The following MTMR9 variants were observed in gnomAD, a reference collection of about 807,000 sequenced individuals.
MTMR9 encodes the protein myotubularin-related protein 9.
In MTMR9, 39 loss-of-function variants were observed where a neutral mutation model predicts 69.5. That is an observed-to-expected ratio of 0.56 (90% CI 0.43 to 0.73). The LOEUF (loss-of-function observed/expected upper bound fraction) is 0.73. Ranked by LOEUF, MTMR9 falls within the 30% of genes least tolerant of loss-of-function variation. The pLI is 0.00. For missense variants in MTMR9, 900 were observed against 671.2 expected, an observed-to-expected ratio of 1.34 and a Z score of -3.77; for synonymous variants, 354 against 240.8, an observed-to-expected ratio of 1.47 and a Z score of -4.35.
At chr8:11,331,360 T>C, downstream of MTMR9, 1 of 1,613,994 alleles carries the variant, frequency 6.2e-7, no homozygotes, top group Non-Finnish European at 8.5e-7. Flanking sequence ...CCTATTGCCC[T>C]GCTACTTAAA....
At chr8:11,330,924 AAAAAG>A (rs1314248444), downstream of MTMR9, 2,884 of 960,516 alleles carry the variant, frequency 3.0e-3, no homozygotes, top group Non-Finnish European at 3.4e-3. Context: ...TAAAAAAAAA[AAAAAG>A]AAAGAAAGAA....
At chr8:11,332,238 GA>G, downstream of MTMR9, 1 of 1,456,654 alleles carries the variant, frequency 6.9e-7, no homozygotes, top group South Asian at 1.4e-5. Flanking sequence ...AGGAAAGAGT[GA>G]AAGTCTAACT....
chr8:11,306,321 G>A lies in MTMR9; in HGVS notation c.723G>A (p.Val241=), dbSNP rs375872817. ...GYIIDTRSLN[V]AQQTRAKGGG... ...TCATTGACACCCGATCCCTGAACGT[G>A]GCTCAGCAAACTAGAGCCAAAGGAG... Residue 241 remains valine, a synonymous_variant, in exon 5 of 10, where the codon GTG becomes GTA. Coordinates refer to ENST00000221086, the MANE Select transcript of MTMR9 (RefSeq NM_015458.4). 9.9e-5 allele frequency: 160 copies of A among 1,614,046 alleles called. No individual in the cohort carries two copies. The highest frequency in any genetic ancestry group is 1.4e-4 in the Non-Finnish European group (160 of 1,179,968).
the MTMR9 span, among the ~76,000 whole-genome samples, chr8:11,338,753 A>T: frequency 2.0e-5 from 3 of 152,184 alleles, no homozygotes; most frequent in Non-Finnish European, 4.4e-5. Flanking sequence ...TAAATCTGAA[A>T]TATTCTAAGA....
chr8:11,316,904 T>C lies in MTMR9; in HGVS notation c.1334+11T>C. 1 of 1,556,968 alleles carries C rather than the reference T, an allele frequency of 6.4e-7. No homozygotes were observed. The highest frequency in any genetic ancestry group is 8.7e-7 in the Non-Finnish European group (1 of 1,148,156). Reference sequence around the variant, plus strand: ...CAATGAAAGTGAAAGGTGAGTACACTGCTCACATGGGGACCTTTCCTTTTC... The same window carrying C: ...CAATGAAAGTGAAAGGTGAGTACACCGCTCACATGGGGACCTTTCCTTTTC... On this transcript the variant is annotated intron_variant, in intron 8 of 9. Coordinates refer to ENST00000221086, the MANE Select transcript of MTMR9 (RefSeq NM_015458.4).
intron 2 of MTMR9, chr8:11,298,798 G>A (rs1799649702): frequency 1.0e-6 from 1 of 978,484 alleles, no homozygotes; most frequent in South Asian, 4.7e-5. Flanking sequence ...CCTAGTGATA[G>A]AGACTTTCCT....
chr8:11,316,562 A>G, intron 7 of MTMR9, 111 bp from the exon 8 acceptor site: 1 of 604,272 alleles, frequency 1.7e-6, no homozygotes, highest in Non-Finnish European at 2.8e-6. Flanking sequence ...TAATTATATG[A>G]TGTTCCAGGT....
intron 1 of MTMR9, among the ~76,000 whole-genome samples, chr8:11,293,928 G>C (rs1404831426): frequency 6.6e-6 from 1 of 152,122 alleles, no homozygotes; most frequent in Non-Finnish European, 1.5e-5. Flanking sequence ...TTTTCACACT[G>C]TCTTAATTAC....
At chr8:11,308,823 G>C (rs1395642696) in intron 5 of MTMR9, among the ~76,000 whole-genome samples, 1 of 152,090 alleles carries the variant, frequency 6.6e-6, no homozygotes. Flanking sequence ...TTTGATAGGC[G>C]AAAGCTGTGC....
At chr8:11,310,068 T>G (rs1800135328) in intron 6 of MTMR9, among the ~76,000 whole-genome samples, 2 of 152,226 alleles carry the variant, frequency 1.3e-5, no homozygotes, top group Non-Finnish European at 2.9e-5. Context: ...ACTTTTGAAA[T>G]ATCAGCGAAA....
At chr8:11,293,865 A>T (rs953295049) in intron 1 of MTMR9, among the ~76,000 whole-genome samples, 1 of 150,970 alleles carries the variant, frequency 6.6e-6, no homozygotes, top group Non-Finnish European at 1.5e-5. Flanking sequence ...GTGTAAGTGG[A>T]TCTATTTCTG....
Position 11,304,927 on chromosome 8 carries a change from C to T in MTMR9, c.504C>T (p.Ile168=), listed in dbSNP as rs753941594. 10 of 1,614,084 alleles carry T rather than the reference C, an allele frequency of 6.2e-6. No homozygotes were observed. In the East Asian group the frequency reaches 6.7e-5, roughly 11 times the overall value. Residue 168 remains isoleucine, a synonymous_variant, in exon 4 of 10, where the codon ATC becomes ATT. Coordinates refer to ENST00000221086, the MANE Select transcript of MTMR9 (RefSeq NM_015458.4). The part of the protein sequence containing the change: ...YPPIVTVPKS[I]DDEALRKVAT... ...CAATTGTCACAGTGCCCAAATCCAT[C>T]GATGATGAAGCTCTTCGGAAGGTAG...
At position 11,322,730 on chromosome 8, in the gene MTMR9, T is replaced by C. The variant is rs749228347; in HGVS notation, c.1592T>C (p.Ile531Thr). ...AAAGAATTACAAGCAAAAGTCAATA[T>C]CCTTCGAAGGCAGTTGGCAGAACTG... ...YNKELQAKVN[I>T]LRRQLAELET... Residue 531 changes from isoleucine to threonine, a missense_variant, in exon 10 of 10, where the codon ATC (isoleucine) becomes ACC (threonine). By Grantham distance (89) the Ile-to-Thr change is moderately conservative. Coordinates refer to ENST00000221086, the MANE Select transcript of MTMR9 (RefSeq NM_015458.4). The C allele has an allele frequency of 1.2e-6, 2 of 1,613,946 alleles. No homozygotes were observed. Among genetic ancestry groups the C allele is most frequent in the African/African-American group, 2.7e-5 (2 of 74,908 alleles).
At chr8:11,318,553 T>C (rs900801928) in intron 8 of MTMR9, 1 of 152,234 alleles carries the variant, frequency 6.6e-6, no homozygotes, top group African/African-American at 2.4e-5. Flanking sequence ...CTTATGAGAA[T>C]TGAATGTATT....
At position 11,325,200 on chromosome 8, in the gene MTMR9, G is replaced by A. The variant is rs1316044076; in HGVS notation, c.*2412G>A. 1.3e-5 allele frequency: 2 copies of A among 152,190 alleles called. No homozygotes were observed. The highest frequency in any genetic ancestry group is 2.9e-5 in the Non-Finnish European group (2 of 68,040). 9.4% of individuals were successfully genotyped at this position (152,190 alleles called of 1,614,324 possible). On this transcript the variant is annotated 3_prime_UTR_variant, in exon 10 of 10. Transcript: ENST00000221086. ...TCGGTATCAGTGCATCTACAGAAGT[G>A]TTATTTGGTAATCCAAATATTAGAG...
intron 3 of MTMR9, among the ~76,000 whole-genome samples, 189 bp from the exon 4 acceptor site, chr8:11,304,652 C>T (rs566881644): frequency 2.6e-5 from 4 of 152,330 alleles, no homozygotes; most frequent in Non-Finnish European, 5.9e-5. Context: ...ATGCAGGAAG[C>T]TGGCCCTGAA....
downstream of MTMR9, among the ~76,000 whole-genome samples, chr8:11,329,680 G>C (rs568361832): frequency 2.5e-3 from 375 of 152,350 alleles, 2 homozygotes; most frequent in African/African-American, 8.7e-3. Flanking sequence ...CCACCTCCCA[G>C]CCGCCTGCCT....
chr8:11,308,793 T>C (rs576462742), intron 5 of MTMR9, among the ~76,000 whole-genome samples: 1 of 152,342 alleles, frequency 6.6e-6, no homozygotes, highest in East Asian at 1.9e-4. Flanking sequence ...ATCTTTCTTT[T>C]TGAACAGCCA....
chr8:11,321,476 A>C (rs905335986), intron 9 of MTMR9: 18 of 456,454 alleles, frequency 3.9e-5, no homozygotes, highest in Admixed American at 1.2e-4. Context: ...AGGATGATTT[A>C]ATTGCTTTGT....
Sources: gnomAD v4.1 joint callset for allele counts (sites outside exome capture counted in the v4.1 genomes callset) on GRCh38, gnomAD v4.1.1 for gene constraint, MANE v1.5 for transcripts, NCBI Gene and HGNC (gene_info 2026-07-23, HGNC 2026-07-21) for gene names.